The following LRCH2 variants were observed in gnomAD, a reference collection of about 807,000 sequenced individuals.
LRCH2 encodes leucine-rich repeat and calponin homology domain-containing protein 2.
In LRCH2, 38 loss-of-function variants were observed where a neutral mutation model predicts 68.9. The observed-to-expected ratio is 0.55, with a 90% CI of 0.43 to 0.72. The LOEUF (loss-of-function observed/expected upper bound fraction) is 0.72, where lower values mean the gene tolerates loss of function less well. LRCH2 is among the 30% of genes least tolerant of loss of function. The pLI is 0.00. For missense variants in LRCH2, 528 were observed against 572.9 expected, an observed-to-expected ratio of 0.92 and a Z score of 0.80; for synonymous variants, 191 against 208.1, an observed-to-expected ratio of 0.92 and a Z score of 0.71.
intron 5 of LRCH2, among the ~76,000 whole-genome samples, chrX:115,174,437 G>A (rs1487456959): frequency 9.3e-6 from 1 of 106,958 alleles, no homozygotes; most frequent in Non-Finnish European, 1.9e-5. Flanking sequence ...TTTTTTTAAG[G>A]TTCCACATAT....
rs5988233 is a variant in LRCH2, at chrX:115,193,394, G to T, written c.350-5024C>A. 8.6e-3 allele frequency among the ~76,000 whole-genome samples: 953 copies of T among 110,957 alleles called. 9 individuals are homozygous for T. The highest frequency in any genetic ancestry group is 0.029 in the African/African-American group (896 of 30,569). On this transcript the variant is annotated intron_variant, in intron 1 of 20. Transcript: ENST00000317135. ...CTACAAATATAACATCTGAAATGAA[G>T]ATCTTTTCCCACAATTTTTTTTTTC...
intron 20 of LRCH2, among the ~76,000 whole-genome samples, chrX:115,118,694 A>T: frequency 9.0e-6 from 1 of 111,364 alleles, no homozygotes; most frequent in Non-Finnish European, 1.9e-5. Flanking sequence ...CTGATACCAA[A>T]GCCGAGCAGA....
chrX:115,213,350 G>A (rs1169131196), intron 1 of LRCH2, among the ~76,000 whole-genome samples: 1 of 111,279 alleles, frequency 9.0e-6, no homozygotes, highest in Admixed American at 9.6e-5. Flanking sequence ...ATTATCTGTC[G>A]TCCTGCATTT....
At chrX:115,210,286 T>C (rs1324530789) in intron 1 of LRCH2, among the ~76,000 whole-genome samples, 1 of 110,818 alleles carries the variant, frequency 9.0e-6, no homozygotes, top group Non-Finnish European at 1.9e-5. Flanking sequence ...GGCCCCTGTG[T>C]GGTGTGCAGG....
chrX:115,176,089 C>G (rs782321824), intron 5 of LRCH2, among the ~76,000 whole-genome samples: 1 of 111,849 alleles, frequency 8.9e-6, no homozygotes. Flanking sequence ...AGAAATCTGA[C>G]GCATTTTGGT....
intron 1 of LRCH2, among the ~76,000 whole-genome samples, chrX:115,219,822 A>C (rs1270773276): frequency 8.9e-6 from 1 of 111,837 alleles, no homozygotes; most frequent in Admixed American, 9.5e-5. Context: ...AGCTCCTCAC[A>C]AGTCTATCTT....
chrX:115,160,311 G>A (rs952061915), intron 11 of LRCH2, among the ~76,000 whole-genome samples: 31 of 110,353 alleles, frequency 2.8e-4, no homozygotes, highest in South Asian at 7.6e-4. Flanking sequence ...GTGAGACTCC[G>A]TCTCAAAAAA....
Position 115,122,618 on chromosome X carries a change from G to C in LRCH2, c.2101-14C>G, listed in dbSNP as rs782279759. 2.5e-6 allele frequency: 3 copies of C among 1,198,045 alleles called. No individual in the cohort carries two copies. Among genetic ancestry groups the C allele is most frequent in the African/African-American group, 3.5e-5 (2 of 57,283 alleles). The stretch of plus-strand genomic sequence containing the variant: ...GCTCAGTTTGGGCTGTAAAGTAAGA[G>C]GGAAAAAATGTACTTTTAGGCATTT... On this transcript the variant is annotated splice_polypyrimidine_tract_variant and intron_variant, in intron 19 of 20. Transcript: ENST00000317135.
At chrX:115,205,967 T>C (rs781907063) in intron 1 of LRCH2, among the ~76,000 whole-genome samples, 1 of 108,894 alleles carries the variant, frequency 9.2e-6, no homozygotes, top group Non-Finnish European at 1.9e-5. Flanking sequence ...AAAAATGAAA[T>C]AAAAAGGCAA....
At chrX:115,217,760 G>A (rs940640645) in intron 1 of LRCH2, among the ~76,000 whole-genome samples, 1 of 111,288 alleles carries the variant, frequency 9.0e-6, no homozygotes, top group Admixed American at 9.5e-5. Context: ...GGGATTGCTG[G>A]GTCAAATGGT....
In LRCH2 at chrX:115,111,263, A is replaced by T. The variant is rs1294800176; in HGVS notation, c.*1953T>A. On this transcript the variant is annotated 3_prime_UTR_variant, in exon 21 of 21. Transcript: ENST00000317135. ...GCTGTATTTTCTTTTTAAAGGAATAATTAACTGAAAAGTAACTGAAATGTT... is the reference window on the plus strand; with the variant it reads ...GCTGTATTTTCTTTTTAAAGGAATATTTAACTGAAAAGTAACTGAAATGTT... The T allele has an allele frequency of 9.0e-6, 1 of 111,172 alleles. No individual in the cohort carries two copies. Among genetic ancestry groups the T allele is most frequent in the African/African-American group, 3.3e-5 (1 of 30,598 alleles). 9.2% of individuals were successfully genotyped at this position (111,172 alleles called of 1,213,427 possible).
At chrX:115,133,784 T>C (rs2072265868) in intron 14 of LRCH2, among the ~76,000 whole-genome samples, 1 of 111,612 alleles carries the variant, frequency 9.0e-6, no homozygotes, top group Non-Finnish European at 1.9e-5. Context: ...GTTCCCTATC[T>C]CCTATTCCCT....
intron 1 of LRCH2, among the ~76,000 whole-genome samples, chrX:115,200,564 A>T (rs1556565772): frequency 9.1e-6 from 1 of 110,346 alleles, no homozygotes; most frequent in Non-Finnish European, 1.9e-5. Flanking sequence ...CATACAACCT[A>T]CCAAGATTGA....
intron 7 of LRCH2, 24 bp from the exon 8 acceptor site, chrX:115,165,976 C>A (rs1354295759): frequency 4.9e-6 from 5 of 1,015,667 alleles, no homozygotes; most frequent in Admixed American, 2.8e-5. Context: ...GCAAAAAGTA[C>A]AAATGAGGCA....
intron 3 of LRCH2, among the ~76,000 whole-genome samples, chrX:115,182,241 A>C: frequency 8.9e-6 from 1 of 111,819 alleles, no homozygotes; most frequent in Non-Finnish European, 1.9e-5. Flanking sequence ...TAATGTAATT[A>C]AAAACGTAGG....
At chrX:115,184,579 A>C in intron 2 of LRCH2, 42 bp from the exon 3 acceptor site, 1 of 1,043,551 alleles carries the variant, frequency 9.6e-7, no homozygotes, top group Non-Finnish European at 1.3e-6. Context: ...ATATGTATGT[A>C]ATGTGACATA....
At chrX:115,116,282 A>G (rs1037677131) in intron 20 of LRCH2, among the ~76,000 whole-genome samples, 3 of 111,791 alleles carry the variant, frequency 2.7e-5, no homozygotes, top group African/African-American at 9.7e-5. Flanking sequence ...TTCATAATAA[A>G]CAATGAGTGA....
chrX:115,170,612 A>G (rs1034986909), intron 5 of LRCH2, among the ~76,000 whole-genome samples, 180 bp from the exon 6 acceptor site: 2 of 111,789 alleles, frequency 1.8e-5, no homozygotes, highest in Non-Finnish European at 1.9e-5. Flanking sequence ...ACTGATACCA[A>G]CTAAAATTCT....
rs2072478253 is a variant in LRCH2 at position 115,156,750 on chromosome X, T to C, written c.1464-83A>G. The C allele has an allele frequency of 7.8e-6, 4 of 515,155 alleles. No homozygotes were observed. The South Asian group carries it at 2.2e-4, about 28-fold the overall frequency. The allele number at this position is 515,155 out of a possible 1,213,427, so 42.5% of individuals were successfully genotyped here. On this transcript the variant is annotated intron_variant, in intron 11 of 20. Coordinates refer to ENST00000317135, the MANE Select transcript of LRCH2 (RefSeq NM_020871.4). ...TATAAAAAAAATCTCTAAAATAAAC[T>C]GCATCTGGTCCTTGAAGATCTTTGC...
Sources: allele counts gnomAD v4.1 joint callset (sites outside exome capture counted in the v4.1 genomes callset), GRCh38; gene constraint gnomAD v4.1.1; transcripts MANE v1.5; gene names NCBI Gene and HGNC (gene_info 2026-07-23, HGNC 2026-07-21).